The following GPM6A variants were observed in gnomAD, a reference collection of about 807,000 sequenced individuals.
GPM6A encodes the protein neuronal membrane glycoprotein M6-a.
GPM6A carries 7 observed loss-of-function variants against 32.1 expected under a neutral mutation model. The observed-to-expected ratio is 0.22, with a 90% CI of 0.12 to 0.41. The LOEUF is 0.41. Among genes scored for constraint, GPM6A ranks in the 10% least tolerant of loss-of-function variants. The probability of loss-of-function intolerance (pLI) is 1.00; values close to 1 mark genes in which losing one functional copy is unlikely to be tolerated. For synonymous variants in GPM6A, 130 were observed against 123.4 expected, an observed-to-expected ratio of 1.05 and a Z score of -0.35; for missense variants, 235 against 347.2, an observed-to-expected ratio of 0.68 and a Z score of 2.57.
At chr4:175,900,017 C>T (rs1737908055) in intron 1 of GPM6A, among the ~76,000 whole-genome samples, 1 of 152,064 alleles carries the variant, frequency 6.6e-6, no homozygotes, top group Non-Finnish European at 1.5e-5. Context: ...CAGTGACTCA[C>T]ACCTGTAATC....
chr4:175,904,881 A>T (rs1036530816), intron 1 of GPM6A, among the ~76,000 whole-genome samples: 1 of 152,104 alleles, frequency 6.6e-6, no homozygotes, highest in African/African-American at 2.4e-5. Context: ...AAAATTTGCC[A>T]TTTCTTAGTT....
chr4:175,950,339 TTAAAA>T (rs1739765544), intron 1 of GPM6A, among the ~76,000 whole-genome samples: 1 of 152,172 alleles, frequency 6.6e-6, no homozygotes, highest in African/African-American at 2.4e-5. Flanking sequence ...GCTTTATTAA[TTAAAA>T]TAATTACAAA....
intron 1 of GPM6A, among the ~76,000 whole-genome samples, chr4:175,940,831 A>T (rs986581823): frequency 2.6e-5 from 4 of 152,030 alleles, no homozygotes; most frequent in African/African-American, 7.2e-5. Flanking sequence ...CTAGTCTCGA[A>T]CTCTTGACCT....
intron 1 of GPM6A, among the ~76,000 whole-genome samples, chr4:176,001,491 A>G (rs951361958): frequency 1.3e-5 from 2 of 152,016 alleles, no homozygotes; most frequent in Non-Finnish European, 2.9e-5. Context: ...TGAATCGGCT[A>G]TTTCACACCC....
chr4:175,764,846 C>CATTATTATTATT (rs56700410), intron 1 of GPM6A, among the ~76,000 whole-genome samples: 74 of 140,522 alleles, frequency 5.3e-4, no homozygotes, highest in Middle Eastern at 3.7e-3. Context: ...AACCCAAAGG[C>CATTATTATTATT]ATTATTATTA....
At chr4:175,889,703 C>G (rs563466740) in intron 1 of GPM6A, among the ~76,000 whole-genome samples, 1 of 152,106 alleles carries the variant, frequency 6.6e-6, no homozygotes, top group African/African-American at 2.4e-5. Context: ...GTCCCAGCTA[C>G]TCGGGAGGCT....
At chr4:175,688,846 T>G (rs1744136432) in intron 2 of GPM6A, among the ~76,000 whole-genome samples, 1 of 152,064 alleles carries the variant, frequency 6.6e-6, no homozygotes, top group South Asian at 2.1e-4. Flanking sequence ...TATTTTCTGT[T>G]TTTTGTTTGT....
chr4:175,904,282 A>T (rs1057464556), intron 1 of GPM6A, among the ~76,000 whole-genome samples: 4 of 152,174 alleles, frequency 2.6e-5, no homozygotes, highest in Non-Finnish European at 4.4e-5. Flanking sequence ...TATTATTAGA[A>T]ATTATAAAGA....
chr4:175,748,038 T>C (rs572282503), intron 1 of GPM6A, among the ~76,000 whole-genome samples: 18 of 152,318 alleles, frequency 1.2e-4, no homozygotes, highest in South Asian at 8.3e-4. Context: ...ACTCAAATTT[T>C]ATCGTGAGAT....
intron 6 of GPM6A, among the ~76,000 whole-genome samples, chr4:175,636,831 A>G (rs1262134751): frequency 6.9e-6 from 1 of 144,700 alleles, no homozygotes; most frequent in Non-Finnish European, 1.5e-5. Flanking sequence ...AATATATATT[A>G]TATATAAAAT....
intron 1 of GPM6A, among the ~76,000 whole-genome samples, chr4:175,717,195 C>T (rs79208075): frequency 0.011 from 1,628 of 152,288 alleles, 14 homozygotes; most frequent in Non-Finnish European, 0.013. Flanking sequence ...CCAGCCTTTA[C>T]GCTCTTCCTG....
At chr4:175,651,810 T>G in intron 4 of GPM6A, 24 bp downstream of exon 4, 2 of 1,596,924 alleles carry the variant, frequency 1.3e-6, no homozygotes, top group Non-Finnish European at 1.7e-6. Flanking sequence ...TGTTTTACAG[T>G]TTAGAGATCC....
chr4:175,920,141 G>A (rs1292540172), intron 1 of GPM6A, among the ~76,000 whole-genome samples: 2 of 152,230 alleles, frequency 1.3e-5, no homozygotes, highest in Non-Finnish European at 2.9e-5. Flanking sequence ...CTTGTGAACA[G>A]AAGGGGAAAT....
intron 1 of GPM6A, among the ~76,000 whole-genome samples, chr4:175,780,191 G>A (rs1733562170): frequency 6.6e-6 from 1 of 151,950 alleles, no homozygotes; most frequent in African/African-American, 2.4e-5. Context: ...GGGATTACAT[G>A]TGCCTGCCCC....
intron 1 of GPM6A, among the ~76,000 whole-genome samples, chr4:175,743,191 T>C (rs554848997): frequency 2.8e-5 from 4 of 142,848 alleles, no homozygotes; most frequent in African/African-American, 1.0e-4. Flanking sequence ...TTAACACTGA[T>C]TAAAAAAAAA....
chr4:175,735,022 T>C (rs1731601839), intron 1 of GPM6A, among the ~76,000 whole-genome samples: 1 of 152,210 alleles, frequency 6.6e-6, no homozygotes, highest in Non-Finnish European at 1.5e-5. Context: ...CATGAAACCA[T>C]ATTTGTCTTT....
At chr4:175,987,564 A>G (rs980501310) in intron 1 of GPM6A, among the ~76,000 whole-genome samples, 1 of 150,590 alleles carries the variant, frequency 6.6e-6, no homozygotes, top group African/African-American at 2.4e-5. Context: ...TTGTCTTTAT[A>G]TTAATTGAAT....
intron 1 of GPM6A, among the ~76,000 whole-genome samples, chr4:175,793,839 G>A (rs1259111723): frequency 6.6e-6 from 1 of 152,128 alleles, no homozygotes; most frequent in Non-Finnish European, 1.5e-5. Flanking sequence ...GGTATTTAGA[G>A]GGAAAATATT....
chr4:175,857,052 C>A (rs1032610360), intron 1 of GPM6A, among the ~76,000 whole-genome samples: 1 of 152,110 alleles, frequency 6.6e-6, no homozygotes, highest in Non-Finnish European at 1.5e-5. Context: ...CTGTCTGTAT[C>A]AATACTTATG....
Sources: allele counts gnomAD v4.1 joint callset (sites outside exome capture counted in the v4.1 genomes callset), GRCh38; gene constraint gnomAD v4.1.1; transcripts MANE v1.5; gene names NCBI Gene and HGNC (gene_info 2026-07-23, HGNC 2026-07-21).